CLOCK: variants seen among roughly 807,000 people sequenced by gnomAD.
CLOCK encodes the protein circadian locomoter output cycles protein kaput.
CLOCK carries 43 observed loss-of-function variants against 118.4 expected under a neutral mutation model. The ratio of observed to expected loss-of-function variants is 0.36; its 90% confidence interval spans 0.28 to 0.47. The LOEUF (loss-of-function observed/expected upper bound fraction) is 0.47, where lower values mean the gene tolerates loss of function less well. Among genes scored for constraint, CLOCK ranks in the 20% least tolerant of loss-of-function variants. The pLI is 1.00. For missense variants in CLOCK, 846 were observed against 999.9 expected (o/e 0.85, Z 2.08); for synonymous variants, 326 against 339.2 (o/e 0.96, Z 0.43).
chr4:55,456,488 C>A (rs1258017303), intron 11 of CLOCK, among the ~76,000 whole-genome samples, 188 bp from the exon 12 acceptor site: 2 of 151,908 alleles, frequency 1.3e-5, no homozygotes, highest in African/African-American at 4.8e-5. Context: ...ATGGTGAAAC[C>A]CGATTTCTAC....
intron 15 of CLOCK, chr4:55,452,822 G>C (rs1724584835): frequency 2.5e-6 from 1 of 399,598 alleles, no homozygotes; most frequent in African/African-American, 2.0e-5. Flanking sequence ...GTACATCACT[G>C]GGAATAAATG....
intron 1 of CLOCK, among the ~76,000 whole-genome samples, chr4:55,514,851 A>T (rs1729392321): frequency 6.6e-6 from 1 of 152,092 alleles, no homozygotes; most frequent in Non-Finnish European, 1.5e-5. Flanking sequence ...CTTTTCTTGC[A>T]ATATCTTTGT....
chr4:55,448,586 G>A (rs1448511695), intron 18 of CLOCK, among the ~76,000 whole-genome samples, 193 bp downstream of exon 18: 6 of 74,656 alleles, frequency 8.0e-5, no homozygotes, highest in African/African-American at 9.1e-5. Context: ...ATATATGTGC[G>A]CGCGCGCACG....
At chr4:55,488,742 T>C (rs1304865782) in intron 3 of CLOCK, among the ~76,000 whole-genome samples, 5 of 152,184 alleles carry the variant, frequency 3.3e-5, no homozygotes, top group Admixed American at 6.5e-5. Context: ...TTATCCTTTT[T>C]TTTGTACACG....
At chr4:55,442,345 T>TA (rs1007365228) in intron 21 of CLOCK, 87 bp downstream of exon 21, 1 of 1,197,730 alleles carries the variant, frequency 8.3e-7, no homozygotes, top group Non-Finnish European at 1.2e-6. Flanking sequence ...AAAATCACAT[T>TA]AAAAAATTTG....
intron 8 of CLOCK, among the ~76,000 whole-genome samples, chr4:55,464,169 T>G (rs950824932): frequency 2.0e-5 from 3 of 152,208 alleles, no homozygotes; most frequent in Non-Finnish European, 4.4e-5. Flanking sequence ...TATCCTACTA[T>G]AAAGGACTAT....
chr4:55,483,981 T>A (rs1415812054), intron 3 of CLOCK, among the ~76,000 whole-genome samples: 1 of 152,170 alleles, frequency 6.6e-6, no homozygotes, highest in Non-Finnish European at 1.5e-5. Context: ...AGCATCAACA[T>A]AATGTTCAAC....
intron 18 of CLOCK, 114 bp downstream of exon 18, chr4:55,448,665 G>GT: frequency 1.6e-6 from 1 of 619,026 alleles, no homozygotes; most frequent in Non-Finnish European, 2.9e-6. Flanking sequence ...AGCCTCCCAA[G>GT]TAGCTGTGGC....
Position 55,430,254 on chromosome 4 carries a change from A to G in CLOCK, c.*5161T>C, listed in dbSNP as rs1163289534. The G allele has an allele frequency of 6.6e-6, 1 of 152,162 alleles. No individual in the cohort carries two copies. The highest frequency in any genetic ancestry group is 1.5e-5 in the Non-Finnish European group (1 of 68,030). 9.4% of individuals were successfully genotyped at this position (152,162 alleles called of 1,614,324 possible). ...GAATTTCACTTAGTTGTCTCTCCAT[A>G]AACTATATCCTATTCCACTAAATAA... On this transcript the variant is annotated 3_prime_UTR_variant, in exon 23 of 23. Coordinates refer to ENST00000513440, the MANE Select transcript of CLOCK (RefSeq NM_004898.4).
At chr4:55,493,238 T>C (rs1727844675) in intron 2 of CLOCK, among the ~76,000 whole-genome samples, 1 of 152,210 alleles carries the variant, frequency 6.6e-6, no homozygotes, top group Admixed American at 6.5e-5. Flanking sequence ...ATCTAGTTAA[T>C]AATTTTAAAA....
intron 2 of CLOCK, among the ~76,000 whole-genome samples, chr4:55,496,485 G>A (rs1728096512): frequency 6.6e-6 from 1 of 152,144 alleles, no homozygotes. Context: ...TTTGACCACT[G>A]AGTCCTTTAT....
At chr4:55,439,303 CACA>C (rs1179238492) in intron 21 of CLOCK, among the ~76,000 whole-genome samples, 2 of 152,090 alleles carry the variant, frequency 1.3e-5, no homozygotes, top group African/African-American at 4.8e-5. Flanking sequence ...AAATCAAAAC[CACA>C]ACAAGAGGCT....
chr4:55,441,372 A>G (rs984186704), intron 21 of CLOCK, among the ~76,000 whole-genome samples: 1 of 152,212 alleles, frequency 6.6e-6, no homozygotes, highest in African/African-American at 2.4e-5. Context: ...CAGCAATCCC[A>G]CTACTGGGTA....
At position 55,435,084 on chromosome 4, in the gene CLOCK, A is replaced by G. The variant is rs1480427699; in HGVS notation, c.*331T>C. ...AGAACCACTAAAAGTTACTAACATCATTAGTGCCTTTCTGATTCCCTGGAG... is the reference window on the plus strand; with the variant it reads ...AGAACCACTAAAAGTTACTAACATCGTTAGTGCCTTTCTGATTCCCTGGAG... On this transcript the variant is annotated 3_prime_UTR_variant, in exon 23 of 23. Transcript: ENST00000513440. 2.8e-6 allele frequency: 1 copy of G among 356,176 alleles called. No homozygotes were observed. Among genetic ancestry groups the G allele is most frequent in the East Asian group, 6.9e-5 (1 of 14,428 alleles). The allele number at this position is 356,176 out of a possible 1,614,324, so 22.1% of individuals were successfully genotyped here.
chr4:55,470,393 T>A (rs1726050122), intron 8 of CLOCK, among the ~76,000 whole-genome samples: 1 of 152,218 alleles, frequency 6.6e-6, no homozygotes, highest in Non-Finnish European at 1.5e-5. Context: ...ACAGGCTATA[T>A]ATACCATATA....
rs143597539 is a variant in CLOCK at position 55,503,756 on chromosome 4, C to A, written c.-136+6156G>T. On this transcript the variant is annotated intron_variant, in intron 2 of 22. Transcript: ENST00000513440. ...GGGTACTAAAAGTCATGTTCACGTTCTTTCTTAACACAATTACTGAGGAAT... is the reference window on the plus strand; with the variant it reads ...GGGTACTAAAAGTCATGTTCACGTTATTTCTTAACACAATTACTGAGGAAT... Among the ~76,000 whole-genome samples the A allele has an allele frequency of 4.6e-5, 7 of 151,956 alleles. No homozygotes were observed. The East Asian group carries it at 1.4e-3, about 29-fold the overall frequency.
At chr4:55,454,613 CAAAAAAAAAAAAAAA>C (rs10566273) in intron 13 of CLOCK, among the ~76,000 whole-genome samples, 2 of 69,490 alleles carry the variant, frequency 2.9e-5, no homozygotes, top group Non-Finnish European at 4.9e-5. Context: ...GACTCCATCC[CAAAAAAAAAAAAAAA>C]AAAAAAAAAA....
In CLOCK at chr4:55,442,528, G is replaced by A. The variant is rs1359857974; in HGVS notation, c.2009C>T (p.Pro670Leu). Reference protein sequence around the residue: ...PLYNTMVISQPAAGSMVQIPS... With the variant: ...PLYNTMVISQLAAGSMVQIPS... ...AATCTGGACCATGCTTCCGGCTGCA[G>A]GCTGAGAAATCACCATAGTGTTATA... The change falls in exon 21 of 23, where the codon CCT (proline) becomes CTT (leucine). Residue 670 changes from proline to leucine, a missense_variant. Physicochemically the swap from Pro to Leu is moderately conservative, Grantham distance 98 (BLOSUM62 -3). This residue lies in a region of CLOCK where 520 missense variants were observed against 558.0 expected (regional missense o/e 0.93). Coordinates refer to ENST00000513440, the MANE Select transcript of CLOCK (RefSeq NM_004898.4). The A allele has an allele frequency of 6.2e-7, 1 of 1,610,142 alleles. No homozygotes were observed. Among genetic ancestry groups the A allele is most frequent in the Non-Finnish European group, 8.5e-7 (1 of 1,179,430 alleles).
chr4:55,479,521 C>G (rs1219188830), intron 5 of CLOCK, 119 bp downstream of exon 5: 5 of 784,186 alleles, frequency 6.4e-6, no homozygotes, highest in South Asian at 4.9e-5. Flanking sequence ...TTCCACCTTG[C>G]TAATATATCT....
Sources: allele counts gnomAD v4.1 joint callset (sites outside exome capture counted in the v4.1 genomes callset), GRCh38; gene constraint gnomAD v4.1.1; regional missense constraint gnomAD v4.1.1; transcripts MANE v1.5; gene names NCBI Gene and HGNC (gene_info 2026-07-23, HGNC 2026-07-21).